The following SYT16 variants were observed in gnomAD, a reference collection of about 807,000 sequenced individuals.
The protein encoded by SYT16 is synaptotagmin-16.
Under a neutral mutation model 61.4 loss-of-function variants are expected in SYT16, and 42 were observed. The ratio of observed to expected loss-of-function variants is 0.68; its 90% CI spans 0.53 to 0.89. The LOEUF is 0.89. SYT16 is among the 40% of genes least tolerant of loss of function. The pLI is 0.00. For synonymous variants in SYT16, 314 were observed against 302.3 expected, an observed-to-expected ratio of 1.04 and a Z score of -0.40; for missense variants, 804 against 807.3, an observed-to-expected ratio of 1.00 and a Z score of 0.05.
chr14:61,911,243 A>G (rs1028681919), intron 1 of SYT16, among the ~76,000 whole-genome samples: 1 of 152,198 alleles, frequency 6.6e-6, no homozygotes, highest in Non-Finnish European at 1.5e-5. Context: ...CCGGCCATAG[A>G]CTAGAACCTA....
intron 1 of SYT16, among the ~76,000 whole-genome samples, chr14:61,866,882 A>C (rs1330482418): frequency 6.6e-6 from 1 of 151,956 alleles, no homozygotes; most frequent in Non-Finnish European, 1.5e-5. Flanking sequence ...GAAGTTTTAT[A>C]GTTTTAGATG....
At chr14:61,927,006 A>T (rs1025104124) in intron 1 of SYT16, among the ~76,000 whole-genome samples, 2 of 152,082 alleles carry the variant, frequency 1.3e-5, no homozygotes, top group Non-Finnish European at 2.9e-5. Flanking sequence ...TAATTATAGG[A>T]CTCCTCCTGT....
At chr14:62,080,242 GATCTCAAGCTCCACTCCAGACCTACTGA>G (rs1473486579) in intron 5 of SYT16, among the ~76,000 whole-genome samples, 8 of 152,340 alleles carry the variant, frequency 5.3e-5, no homozygotes, top group African/African-American at 1.7e-4. Context: ...GAAATGGCAG[GATCTCAAGCTCCACTCCAGACCTACTGA>G]ATCAGAATCC....
intron 1 of SYT16, among the ~76,000 whole-genome samples, chr14:61,898,973 GAAATT>G (rs2048420105): frequency 1.3e-5 from 2 of 152,152 alleles, no homozygotes; most frequent in South Asian, 4.1e-4. Context: ...ATCAAAGTCA[GAAATT>G]AAATTGAGTT....
intron 3 of SYT16, among the ~76,000 whole-genome samples, chr14:62,057,961 C>T (rs1476070610): frequency 6.6e-6 from 1 of 152,108 alleles, no homozygotes; most frequent in Admixed American, 6.5e-5. Flanking sequence ...CCCCAGGCAA[C>T]CATGGATCTA....
At chr14:61,943,256 A>G (rs2140455405) in intron 1 of SYT16, among the ~76,000 whole-genome samples, 1 of 152,342 alleles carries the variant, frequency 6.6e-6, no homozygotes, top group East Asian at 1.9e-4. Context: ...TACCAACCAA[A>G]AAAAGCCCAA....
At position 62,081,186 on chromosome 14, in the gene SYT16, T is replaced by C; in HGVS notation, c.1346T>C (p.Met449Thr). 11 of 1,613,938 alleles carry C rather than the reference T, an allele frequency of 6.8e-6. No homozygotes were observed. Among genetic ancestry groups the C allele is most frequent in the Non-Finnish European group, 9.3e-6 (11 of 1,179,890 alleles). ...AARKMTRERM[M>T]GEKLFYLSHL... ...CGGAAGATGACCCGAGAGAGAATGA[T>C]GGGAGAGAAACTATTCTATCTCAGC... Residue 449 changes from methionine to threonine, a missense_variant, in exon 6 of 8, where the codon ATG becomes ACG. Met to Thr is a moderately conservative substitution (Grantham distance 81, BLOSUM62 -1). Transcript: ENST00000683842.
At chr14:61,949,787 C>T (rs1428810729) in intron 1 of SYT16, among the ~76,000 whole-genome samples, 2 of 152,144 alleles carry the variant, frequency 1.3e-5, no homozygotes, top group African/African-American at 2.4e-5. Context: ...ACTTTAGCCC[C>T]CTGTGATTCT....
chr14:61,880,135 A>G (rs893591538), intron 1 of SYT16, among the ~76,000 whole-genome samples: 5 of 152,354 alleles, frequency 3.3e-5, no homozygotes, highest in East Asian at 1.9e-4. Context: ...CAGTGCTGCC[A>G]CAGATATACT....
chr14:62,028,895 T>C (rs2054202192), intron 3 of SYT16, among the ~76,000 whole-genome samples: 1 of 152,220 alleles, frequency 6.6e-6, no homozygotes, highest in Non-Finnish European at 1.5e-5. Flanking sequence ...TAAAGTGTAA[T>C]TCAGAAAAAG....
intron 1 of SYT16, among the ~76,000 whole-genome samples, chr14:61,875,582 G>C (rs539660806): frequency 1.3e-5 from 2 of 152,340 alleles, no homozygotes; most frequent in Admixed American, 1.3e-4. Flanking sequence ...TTTAAAAGAT[G>C]CTGCTTGGTT....
intron 1 of SYT16, among the ~76,000 whole-genome samples, chr14:61,833,774 C>T (rs572123475): frequency 6.8e-5 from 10 of 147,018 alleles, no homozygotes; most frequent in South Asian, 2.2e-4. Flanking sequence ...GCAGCTTCCT[C>T]GCTCTTTCTT....
chr14:61,999,639 T>C (rs2052912825), intron 3 of SYT16, among the ~76,000 whole-genome samples: 1 of 151,870 alleles, frequency 6.6e-6, no homozygotes, highest in Non-Finnish European at 1.5e-5. Flanking sequence ...TTATTTTCTT[T>C]GTTTTTCTTG....
intron 1 of SYT16, among the ~76,000 whole-genome samples, chr14:61,898,323 T>C (rs1420915797): frequency 1.3e-5 from 2 of 152,140 alleles, no homozygotes; most frequent in Non-Finnish European, 2.9e-5. Flanking sequence ...AGAAGAGAGG[T>C]AGACGAGGCA....
intron 3 of SYT16, among the ~76,000 whole-genome samples, chr14:62,059,483 A>G (rs575286293): frequency 6.6e-6 from 1 of 152,038 alleles, no homozygotes; most frequent in South Asian, 2.1e-4. Context: ...TTTGTAAATG[A>G]CATTGTTCAA....
chr14:61,879,095 G>GTT (rs138830822), intron 1 of SYT16, among the ~76,000 whole-genome samples: 82 of 150,866 alleles, frequency 5.4e-4, no homozygotes, highest in East Asian at 1.9e-3. Context: ...ATTAATTTGT[G>GTT]TTTTTTTTTA....
rs117695017 is a variant in SYT16, at chr14:62,033,941, G to T, written c.524-35662G>T. Among the ~76,000 whole-genome samples the T allele has an allele frequency of 6.6e-3, 998 of 152,094 alleles. 7 individuals are homozygous for T. Among genetic ancestry groups the T allele is most frequent in the Non-Finnish European group, 9.1e-3 (620 of 67,970 alleles). Reference sequence around the variant, plus strand: ...AAGACAACCTAAAGAATGAGGGAAAGCACTTGCAAATTTTATATCTAGTAA... The same window carrying T: ...AAGACAACCTAAAGAATGAGGGAAATCACTTGCAAATTTTATATCTAGTAA... On this transcript the variant is annotated intron_variant, in intron 3 of 7. Transcript: ENST00000683842.
intron 1 of SYT16, among the ~76,000 whole-genome samples, chr14:61,827,230 G>A (rs1269148365): frequency 6.6e-6 from 1 of 152,152 alleles, no homozygotes; most frequent in East Asian, 1.9e-4. Flanking sequence ...CCTGTTTTCA[G>A]CCCTATCTCT....
intron 2 of SYT16, among the ~76,000 whole-genome samples, chr14:61,980,906 A>G (rs2140561794): frequency 6.6e-6 from 1 of 152,108 alleles, no homozygotes. Flanking sequence ...AGGGAGCTCT[A>G]TTAGGGAGAG....
Sources: allele counts gnomAD v4.1 joint callset (sites outside exome capture counted in the v4.1 genomes callset), GRCh38; gene constraint gnomAD v4.1.1; transcripts MANE v1.5; gene names NCBI Gene and HGNC (gene_info 2026-07-23, HGNC 2026-07-21).